ANKRD27: variants seen among roughly 807,000 people sequenced by gnomAD.
ANKRD27 encodes the protein ankyrin repeat domain 27.
ANKRD27 carries 112 observed loss-of-function variants against 129.7 expected under a neutral mutation model. The ratio of observed to expected loss-of-function variants is 0.86; its 90% CI spans 0.74 to 1.01. The LOEUF is 1.01. Among genes scored for constraint, ANKRD27 ranks in the 50% least tolerant of loss-of-function variants. The pLI is 0.00. For missense variants in ANKRD27, 1,258 were observed against 1,300.5 expected, an observed-to-expected ratio of 0.97 and a Z score of 0.50; for synonymous variants, 516 against 511.2, an observed-to-expected ratio of 1.01 and a Z score of -0.13.
intron 2 of ANKRD27, among the ~76,000 whole-genome samples, chr19:32,656,059 A>AAAGAAAG (rs1555747075): frequency 1.4e-3 from 89 of 65,898 alleles, no homozygotes; most frequent in Non-Finnish European, 1.4e-3. Context: ...GAAAAGAAAG[A>AAAGAAAG]AAAGAAAGAA....
rs771214559 is a variant in ANKRD27 at position 32,643,384 on chromosome 19, G to A, written c.640-32C>T. ...AATCAACAGACCCCATTCAGGGTGT[G>A]AGCGGGCAACAGGGTGTGCCTCCCA... is the stretch of plus-strand genomic sequence containing the variant. On this transcript the variant is annotated intron_variant, in intron 7 of 28. Transcript: ENST00000306065. 9.9e-6 allele frequency: 16 copies of A among 1,613,878 alleles called. No individual in the cohort carries two copies. The East Asian group carries it at 2.7e-4, about 27-fold the overall frequency.
intron 18 of ANKRD27, among the ~76,000 whole-genome samples, chr19:32,621,885 C>A (rs561454520): frequency 2.0e-5 from 3 of 152,172 alleles, no homozygotes; most frequent in South Asian, 2.1e-4. Context: ...CTGGCCTCTG[C>A]GAGCCACCTC....
chr19:32,642,986 G>T, intron 9 of ANKRD27, 137 bp downstream of exon 9: 1 of 818,820 alleles, frequency 1.2e-6, no homozygotes, highest in Non-Finnish European at 2.0e-6. Context: ...ATCTTTGGTT[G>T]CAAGTAACTG....
At chr19:32,638,548 C>G (rs972732669) in intron 12 of ANKRD27, 6 of 152,398 alleles carry the variant, frequency 3.9e-5, no homozygotes, top group African/African-American at 1.2e-4. Context: ...CACTACATTG[C>G]AGGTGACGAG....
chr19:32,643,752 G>A (rs1378334947), intron 5 of ANKRD27, 121 bp from the exon 6 acceptor site: 4 of 1,019,560 alleles, frequency 3.9e-6, no homozygotes, highest in Non-Finnish European at 4.5e-6. Flanking sequence ...AGTCAATTAC[G>A]TGATTTTTCT....
chr19:32,661,065 G>A (rs1039804680), intron 1 of ANKRD27, among the ~76,000 whole-genome samples: 1 of 151,870 alleles, frequency 6.6e-6, no homozygotes, highest in African/African-American at 2.4e-5. Flanking sequence ...GCCATGTGTG[G>A]CAGCCCATGC....
chr19:32,645,345 G>A (rs1967281916), intron 4 of ANKRD27, among the ~76,000 whole-genome samples: 1 of 152,074 alleles, frequency 6.6e-6, no homozygotes, highest in Non-Finnish European at 1.5e-5. Context: ...CCGGGAGCTG[G>A]AGGCTGCAGT....
chr19:32,617,258 C>G (rs1239834108), intron 21 of ANKRD27, among the ~76,000 whole-genome samples: 4 of 152,136 alleles, frequency 2.6e-5, no homozygotes, highest in Admixed American at 2.0e-4. Flanking sequence ...AAAAGCACTT[C>G]TAAAGCTGGG....
chr19:32,636,739 ATT>A (rs1235816946), intron 12 of ANKRD27, among the ~76,000 whole-genome samples: 52,648 of 146,420 alleles, frequency 0.36, 9,779 homozygotes, highest in Non-Finnish European at 0.38. Flanking sequence ...ATATATATAT[ATT>A]TTTTATATAT....
At chr19:32,657,890 G>A (rs774595065) in intron 2 of ANKRD27, among the ~76,000 whole-genome samples, 1 of 151,862 alleles carries the variant, frequency 6.6e-6, no homozygotes. Context: ...CAGGAGAATC[G>A]CTTGAACCTG....
intron 4 of ANKRD27, among the ~76,000 whole-genome samples, chr19:32,646,127 TCAC>T (rs763713727): frequency 7.2e-5 from 11 of 152,112 alleles, no homozygotes; most frequent in Non-Finnish European, 1.5e-4. Context: ...AGATGGGGTT[TCAC>T]CACATTGGCC....
chr19:32,650,950 G>A (rs1047493110), intron 2 of ANKRD27, among the ~76,000 whole-genome samples: 15 of 151,522 alleles, frequency 9.9e-5, no homozygotes, highest in African/African-American at 3.6e-4. Context: ...TCACTATTTT[G>A]TCCAAGCTGG....
At chr19:32,623,638 C>T (rs1972047677) in intron 17 of ANKRD27, among the ~76,000 whole-genome samples, 1 of 151,860 alleles carries the variant, frequency 6.6e-6, no homozygotes, top group African/African-American at 2.4e-5. Flanking sequence ...CAACCTCCGC[C>T]TCCTAGTTCA....
At chr19:32,624,366 C>CTA (rs1972058621) in intron 17 of ANKRD27, among the ~76,000 whole-genome samples, 1 of 72,766 alleles carries the variant, frequency 1.4e-5, no homozygotes, top group African/African-American at 5.2e-5. Context: ...GACTCCGTCT[C>CTA]AAAAAAAAAA....
intron 5 of ANKRD27, 117 bp downstream of exon 5, chr19:32,644,208 A>T: frequency 8.3e-7 from 1 of 1,207,986 alleles, no homozygotes; most frequent in Non-Finnish European, 1.2e-6. Flanking sequence ...AAACATTTTT[A>T]AAAGACTTCA....
At chr19:32,640,086 T>C (rs1400129016) in intron 11 of ANKRD27, among the ~76,000 whole-genome samples, 1 of 152,106 alleles carries the variant, frequency 6.6e-6, no homozygotes, top group African/African-American at 2.4e-5. Flanking sequence ...CTCAGCCTCC[T>C]GAGTAGCTGG....
chr19:32,658,817 T>C, intron 2 of ANKRD27, 97 bp downstream of exon 2: 4 of 1,074,970 alleles, frequency 3.7e-6, no homozygotes, highest in Non-Finnish European at 4.3e-6. Context: ...CTTGTTAAGC[T>C]GAGTTTATAA....
chr19:32,657,438 G>T lies in ANKRD27; in HGVS notation c.102+1476C>A, dbSNP rs990084024. Among the ~76,000 whole-genome samples, 7 of 147,204 alleles carry T rather than the reference G, an allele frequency of 4.8e-5. 1 individual carries two copies. Among genetic ancestry groups the T allele is most frequent in the Admixed American group, 4.7e-4 (7 of 14,850 alleles). On this transcript the variant is annotated intron_variant, in intron 2 of 28. Transcript: ENST00000306065. ...GATTGCGCCACTGCACTCTAGCCTGGGTGACAGAGCAAGGCTCTGTCTCAA... is the reference window on the plus strand; with the variant it reads ...GATTGCGCCACTGCACTCTAGCCTGTGTGACAGAGCAAGGCTCTGTCTCAA...
At chr19:32,658,668 G>A (rs1484976008) in intron 2 of ANKRD27, among the ~76,000 whole-genome samples, 2 of 152,172 alleles carry the variant, frequency 1.3e-5, no homozygotes, top group African/African-American at 2.4e-5. Context: ...CCACGAAAGG[G>A]CACAGTTAGC....
Sources: allele counts gnomAD v4.1 joint callset (sites outside exome capture counted in the v4.1 genomes callset), GRCh38; gene constraint gnomAD v4.1.1; transcripts MANE v1.5; gene names NCBI Gene and HGNC (gene_info 2026-07-23, HGNC 2026-07-21).